Variants in SOD1 observed in about 807,000 individuals in gnomAD.
The protein encoded by SOD1 is superoxide dismutase 1, also known as superoxide dismutase [Cu-Zn].
Under a neutral mutation model 15.9 loss-of-function variants are expected in SOD1, and 8 were observed. That is an observed-to-expected ratio of 0.50 (90% CI 0.30 to 0.91). SOD1 has a LOEUF of 0.91. SOD1 is among the 40% of genes least tolerant of loss of function. The pLI is 0.07. For missense variants in SOD1, 137 were observed against 194.5 expected (o/e 0.70, Z 1.76); for synonymous variants, 86 against 71.2 (o/e 1.21, Z -1.04).
intron 1 of SOD1, 83 bp downstream of exon 1, chr21:31,659,924 C>T (rs1270066967): frequency 6.9e-7 from 1 of 1,441,164 alleles, no homozygotes; most frequent in African/African-American, 1.4e-5. Flanking sequence ...AGCGGGTCGC[C>T]CGCCAGGCCT....
intron 3 of SOD1, 93 bp from the exon 4 acceptor site, chr21:31,667,163 TTG>T: frequency 1.1e-6 from 1 of 918,572 alleles, no homozygotes; most frequent in Non-Finnish European, 1.8e-6. Context: ...GTTTGCAAAT[TTG>T]TGTCTACTCA....
At chr21:31,667,425 A>AC in intron 4 of SOD1, 50 bp downstream of exon 4, 1 of 1,234,948 alleles carries the variant, frequency 8.1e-7, no homozygotes, top group Non-Finnish European at 1.2e-6. Flanking sequence ...ACATACAGTC[A>AC]TGTATCTTTT....
At chr21:31,659,872 G>C (rs1174352339) in intron 1 of SOD1, 31 bp downstream of exon 1, 2 of 1,604,316 alleles carry the variant, frequency 1.2e-6, no homozygotes, top group Non-Finnish European at 1.7e-6. Flanking sequence ...TTGTTTGCGA[G>C]GCCGCTCCCA....
intron 2 of SOD1, 116 bp downstream of exon 2, chr21:31,664,002 T>A: frequency 1.3e-6 from 1 of 773,494 alleles, no homozygotes; most frequent in Non-Finnish European, 2.2e-6. Context: ...GAAAGGGTCT[T>A]GCTCTGTCGC....
intron 1 of SOD1, among the ~76,000 whole-genome samples, 180 bp from the exon 2 acceptor site, chr21:31,663,609 GC>G (rs1393951736): frequency 6.6e-6 from 1 of 152,134 alleles, no homozygotes; most frequent in African/African-American, 2.4e-5. Context: ...GAGGACACAG[GC>G]CTAGAGCAGT....
intron 4 of SOD1, 63 bp from the exon 5 acceptor site, chr21:31,668,408 A>C: frequency 9.9e-7 from 1 of 1,005,930 alleles, no homozygotes; most frequent in Admixed American, 1.7e-5. Flanking sequence ...TCTTTTGGGT[A>C]TTGTTGGGAG....
At chr21:31,667,796 G>A (rs1460254741) in intron 4 of SOD1, among the ~76,000 whole-genome samples, 1 of 152,164 alleles carries the variant, frequency 6.6e-6, no homozygotes, top group Non-Finnish European at 1.5e-5. Flanking sequence ...TTTAACTTGT[G>A]GGAAGCTGTT....
At chr21:31,667,544 A>G (rs1341037693) in intron 4 of SOD1, among the ~76,000 whole-genome samples, 169 bp downstream of exon 4, 1 of 152,270 alleles carries the variant, frequency 6.6e-6, no homozygotes, top group Non-Finnish European at 1.5e-5. Flanking sequence ...GAATTATTTT[A>G]TCTAGGTCAG....
chr21:31,663,774 T>G lies in SOD1; in HGVS notation c.73-16T>G, dbSNP rs916440275. Reference sequence around the variant, plus strand: ...TTTGTTCAGAAACTCTCTCCAACTTTGCACTTTTCTTAAAGGAAAGTAATG... The same window carrying G: ...TTTGTTCAGAAACTCTCTCCAACTTGGCACTTTTCTTAAAGGAAAGTAATG... On this transcript the variant is annotated splice_polypyrimidine_tract_variant and intron_variant, in intron 1 of 4. Coordinates refer to ENST00000270142, the MANE Select transcript of SOD1 (RefSeq NM_000454.5). 1.3e-6 allele frequency: 2 copies of G among 1,577,838 alleles called. No homozygotes were observed. Among genetic ancestry groups the G allele is most frequent in the African/African-American group, 2.7e-5 (2 of 74,326 alleles).
At chr21:31,664,548 C>T (rs575424588) in intron 2 of SOD1, 1 of 154,104 alleles carries the variant, frequency 6.5e-6, no homozygotes, top group East Asian at 1.9e-4. Context: ...GGCTTTGATA[C>T]CTAGGTGTGG....
In SOD1 at chr21:31,662,963, C is replaced by T. The variant is rs1231599792; in HGVS notation, c.73-827C>T. Among the ~76,000 whole-genome samples, 73 of 141,062 alleles carry T rather than the reference C, an allele frequency of 5.2e-4. No homozygotes were observed. In the Middle Eastern group the frequency reaches 0.016, roughly 30 times the overall value. 92.5% of individuals were successfully genotyped at this position (141,062 alleles called of 152,430 possible). ...CTGGGAGGCGGAGCTTGCAGTGAGC[C>T]GAGATCATGTCACTGCACTCCAGCC... On this transcript the variant is annotated intron_variant, in intron 1 of 4. Transcript: ENST00000270142.
intron 2 of SOD1, among the ~76,000 whole-genome samples, chr21:31,665,392 T>A (rs2049584438): frequency 6.6e-6 from 1 of 152,222 alleles, no homozygotes; most frequent in Admixed American, 6.5e-5. Context: ...TAATTTAGTT[T>A]CAAATAGTGA....
chr21:31,668,124 T>TA (rs891138565), intron 4 of SOD1, among the ~76,000 whole-genome samples: 2 of 152,110 alleles, frequency 1.3e-5, no homozygotes, highest in Non-Finnish European at 2.9e-5. Context: ...CCAAAGCAAT[T>TA]AAAAAAACTG....
chr21:31,661,216 A>G (rs2049545876), intron 1 of SOD1, among the ~76,000 whole-genome samples: 1 of 152,252 alleles, frequency 6.6e-6, no homozygotes, highest in Non-Finnish European at 1.5e-5. Flanking sequence ...TCTGAAATAT[A>G]TGTGAGGGAG....
At chr21:31,662,034 A>T (rs1342789471) in intron 1 of SOD1, among the ~76,000 whole-genome samples, 1 of 152,172 alleles carries the variant, frequency 6.6e-6, no homozygotes, top group Non-Finnish European at 1.5e-5. Context: ...TTAGCCCAGG[A>T]CAGTACTGCT....
Position 31,668,782 on chromosome 21 carries a change from A to T in SOD1, c.*204A>T, listed in dbSNP as rs2049623049. 1 of 559,566 alleles carries T rather than the reference A, an allele frequency of 1.8e-6. No homozygotes were observed. 34.7% of individuals were successfully genotyped at this position (559,566 alleles called of 1,614,324 possible). ...TATAGTTTTATAAAACTCAGTTAAA[A>T]TGTCTGTTTCAATGACCTGTATTTT... On this transcript the variant is annotated 3_prime_UTR_variant, in exon 5 of 5. Transcript: ENST00000270142.
At chr21:31,662,436 G>A (rs186694820) in intron 1 of SOD1, among the ~76,000 whole-genome samples, 5 of 152,300 alleles carry the variant, frequency 3.3e-5, no homozygotes, top group African/African-American at 1.2e-4. Context: ...CTAAAAACAA[G>A]AGACACTGAC....
At chr21:31,668,005 T>C (rs1242483895) in intron 4 of SOD1, among the ~76,000 whole-genome samples, 1 of 113,972 alleles carries the variant, frequency 8.8e-6, no homozygotes, top group Admixed American at 9.8e-5. Context: ...AAATTCAAAA[T>C]ACTGTTGCTT....
chr21:31,659,764 C>A lies in SOD1; in HGVS notation c.-6C>A. On this transcript the variant is annotated 5_prime_UTR_variant, in exon 1 of 5. Coordinates refer to ENST00000270142, the MANE Select transcript of SOD1 (RefSeq NM_000454.5). ...GAACCAGGACCTCGGCGTGGCCTAG[C>A]GAGTTATGGCGACGAAGGCCGTGTG... 2 of 1,613,810 alleles carry A rather than the reference C, an allele frequency of 1.2e-6. No individual in the cohort carries two copies. The highest frequency in any genetic ancestry group is 1.7e-6 in the Non-Finnish European group (2 of 1,179,830).
Sources: gnomAD v4.1 joint callset for allele counts (sites outside exome capture counted in the v4.1 genomes callset) on GRCh38, gnomAD v4.1.1 for gene constraint, MANE v1.5 for transcripts, NCBI Gene and HGNC (gene_info 2026-07-23, HGNC 2026-07-21) for gene names.